Variants in RGS7 observed in about 807,000 individuals in gnomAD.
RGS7 encodes regulator of G protein signaling 7, also known as regulator of G-protein signaling 7.
RGS7 carries 27 observed loss-of-function variants against 81.1 expected under a neutral mutation model. That is an observed-to-expected ratio of 0.33 (90% CI 0.25 to 0.46). RGS7 has a LOEUF of 0.46. Among genes scored for constraint, RGS7 ranks in the 20% least tolerant of loss-of-function variants. RGS7 has a pLI of 1.00. For synonymous variants in RGS7, 208 were observed against 207.7 expected (o/e 1.00, Z -0.01); for missense variants, 396 against 607.4 (o/e 0.65, Z 3.66).
intron 14 of RGS7, among the ~76,000 whole-genome samples, chr1:240,807,722 C>T (rs1478668719): frequency 1.3e-5 from 2 of 152,098 alleles, no homozygotes; most frequent in Admixed American, 6.6e-5. Context: ...CAGATTTAGA[C>T]ACTGTGCACT....
At chr1:240,880,665 C>A (rs1322661952) in intron 6 of RGS7, among the ~76,000 whole-genome samples, 1 of 152,168 alleles carries the variant, frequency 6.6e-6, no homozygotes, top group African/African-American at 2.4e-5. Context: ...AGCCTTTCTG[C>A]CCTCCCAGGA....
At chr1:240,793,611 A>ATATATATATATATATTT in intron 18 of RGS7, among the ~76,000 whole-genome samples, 14 of 78,800 alleles carry the variant, frequency 1.8e-4, no homozygotes, top group African/African-American at 4.9e-4. Context: ...ATATATATAT[A>ATATATATATATATATTT]TTTTTTTTTT....
chr1:241,192,251 A>C (rs1391945110), intron 2 of RGS7, among the ~76,000 whole-genome samples: 6 of 14,550 alleles, frequency 4.1e-4, no homozygotes, highest in Admixed American at 1.3e-3. Context: ...TTCTGTCTGC[A>C]CGTGTGTGTG....
intron 3 of RGS7, among the ~76,000 whole-genome samples, chr1:241,063,623 G>A (rs932190435): frequency 2.0e-5 from 3 of 152,018 alleles, no homozygotes; most frequent in Non-Finnish European, 4.4e-5. Flanking sequence ...CTTTTGATCT[G>A]GACTCAGGTA....
intron 2 of RGS7, among the ~76,000 whole-genome samples, chr1:241,350,852 C>T (rs998438783): frequency 6.6e-6 from 1 of 151,782 alleles, no homozygotes; most frequent in Admixed American, 6.6e-5. Context: ...CCTGCACTGA[C>T]AAACCCACTG....
intron 3 of RGS7, among the ~76,000 whole-genome samples, chr1:241,050,109 G>A (rs139218681): frequency 7.2e-4 from 109 of 152,174 alleles, no homozygotes; most frequent in African/African-American, 1.2e-3. Context: ...CCCAATTCTC[G>A]CACACACTGT....
rs71172654 is a variant in RGS7 at position 240,868,117 on chromosome 1, GGAAAGAAAGAAAGAAAGAAA to G, written c.609+450_609+469del. 3.1e-4 allele frequency among the ~76,000 whole-genome samples: 38 copies of G among 122,508 alleles called. No individual in the cohort carries two copies. Among genetic ancestry groups the G allele is most frequent in the African/African-American group, 1.3e-3 (33 of 24,798 alleles). 80.4% of individuals were successfully genotyped at this position (122,508 alleles called of 152,430 possible). A position where few individuals can be genotyped will look rare whatever the true frequency, so the allele number is the denominator to read the frequency against. On this transcript the variant is annotated intron_variant, in intron 9 of 18. Coordinates refer to ENST00000440928, the MANE Select transcript of RGS7 (RefSeq NM_001364886.1). The surrounding 1 kb of genome is among the most constrained non-coding windows in gnomAD (Gnocchi z 5.1). ...GAAAAGAAAAAGAAAGAAAAGAAAA[GGAAAGAAAGAAAGAAAGAAA>G]GAAAGAAAGAAAGAAAGAAAGGACG... is the stretch of plus-strand genomic sequence containing the variant.
At chr1:241,135,480 G>T (rs2067441327) in intron 2 of RGS7, among the ~76,000 whole-genome samples, 1 of 152,128 alleles carries the variant, frequency 6.6e-6, no homozygotes, top group African/African-American at 2.4e-5. Context: ...ACGGCCTCGT[G>T]TTGTCTGTTG....
At chr1:240,850,603 G>T (rs2147927603) in intron 9 of RGS7, among the ~76,000 whole-genome samples, 1 of 152,184 alleles carries the variant, frequency 6.6e-6, no homozygotes, top group African/African-American at 2.4e-5. Flanking sequence ...CTCAATTTAA[G>T]CAAAAAACTA....
At chr1:241,297,485 G>A (rs529710008) in intron 2 of RGS7, among the ~76,000 whole-genome samples, 6 of 152,112 alleles carry the variant, frequency 3.9e-5, no homozygotes, top group East Asian at 1.9e-4. Flanking sequence ...GGGATGGGGC[G>A]GGGAAAATCC....
At position 241,246,061 on chromosome 1, in the gene RGS7, G is replaced by A. The variant is rs1345148639; in HGVS notation, c.78+109638C>T. 8.5e-5 allele frequency among the ~76,000 whole-genome samples: 13 copies of A among 152,182 alleles called. No individual in the cohort carries two copies. In the East Asian group the frequency reaches 1.7e-3, roughly 20 times the overall value. ...GGAGCTTGCAATGAGCTGAGACCAC[G>A]CCACTGCCCTCCAGCCTGGGGGACA... On this transcript the variant is annotated intron_variant, in intron 2 of 18. Coordinates refer to ENST00000440928, the MANE Select transcript of RGS7 (RefSeq NM_001364886.1).
At chr1:240,855,173 A>G (rs1660837918) in intron 9 of RGS7, among the ~76,000 whole-genome samples, 1 of 151,848 alleles carries the variant, frequency 6.6e-6, no homozygotes, top group Admixed American at 6.6e-5. Flanking sequence ...CATATTACAT[A>G]TAACCTTTTT....
intron 4 of RGS7, among the ~76,000 whole-genome samples, chr1:240,937,013 G>A (rs1443497549): frequency 6.6e-6 from 1 of 152,046 alleles, no homozygotes; most frequent in African/African-American, 2.4e-5. Flanking sequence ...ACTGAAACAG[G>A]TCTTCCAGCC....
intron 2 of RGS7, among the ~76,000 whole-genome samples, chr1:241,244,777 T>TA (rs1232290724): frequency 4.6e-5 from 7 of 151,904 alleles, no homozygotes; most frequent in Admixed American, 6.5e-5. Flanking sequence ...TATGCAGCCA[T>TA]AAAAAATGAT....
Position 240,932,907 on chromosome 1 carries a change from A to G in RGS7, c.334-2139T>C, listed in dbSNP as rs868307136. ...TTTTTTTTTTTTTTTTTTTTGAGAC[A>G]GAGTCTCGCTCTGTCGCCCAGGCTG... On this transcript the variant is annotated intron_variant, in intron 5 of 18. Coordinates refer to ENST00000440928, the MANE Select transcript of RGS7 (RefSeq NM_001364886.1). Among the ~76,000 whole-genome samples the G allele has an allele frequency of 7.0e-3, 716 of 102,320 alleles. 5 individuals are homozygous for G. The highest frequency in any genetic ancestry group is 0.019 in the African/African-American group (485 of 25,444). The allele number at this position is 102,320 out of a possible 152,430, so 67.1% of individuals were successfully genotyped here.
At chr1:241,107,700 A>G (rs2065210968) in intron 2 of RGS7, among the ~76,000 whole-genome samples, 1 of 152,196 alleles carries the variant, frequency 6.6e-6, no homozygotes, top group Admixed American at 6.5e-5. Context: ...TTGTGCTCAA[A>G]TAAATTCTAC....
chr1:241,252,167 C>A (rs1367992263), intron 2 of RGS7, among the ~76,000 whole-genome samples: 4 of 151,954 alleles, frequency 2.6e-5, no homozygotes, highest in Non-Finnish European at 5.9e-5. Flanking sequence ...CCTCAGCCTC[C>A]CAAGTAGCTG....
At chr1:241,009,656 C>A (rs2058854118) in intron 3 of RGS7, among the ~76,000 whole-genome samples, 1 of 152,122 alleles carries the variant, frequency 6.6e-6, no homozygotes, top group Non-Finnish European at 1.5e-5. Context: ...TCAACTGGCA[C>A]CCTGTAGATA....
At chr1:240,945,490 TTTG>T (rs1678453524) in intron 4 of RGS7, among the ~76,000 whole-genome samples, 1 of 152,226 alleles carries the variant, frequency 6.6e-6, no homozygotes, top group Non-Finnish European at 1.5e-5. Context: ...CTGAATGCAT[TTTG>T]TTTGAAAATC....
Sources: gnomAD v4.1 joint callset for allele counts (sites outside exome capture counted in the v4.1 genomes callset) on GRCh38, gnomAD v4.1.1 for gene constraint, Gnocchi (gnomAD v3.1) non-coding constraint, MANE v1.5 for transcripts, NCBI Gene and HGNC (gene_info 2026-07-23, HGNC 2026-07-21) for gene names.